The following KLHL1 variants were observed in gnomAD, a reference collection of about 807,000 sequenced individuals.
The protein encoded by KLHL1 is kelch-like protein 1.
Under a neutral mutation model 77.7 loss-of-function variants are expected in KLHL1, and 47 were observed. The observed-to-expected ratio is 0.60, with a 90% CI of 0.48 to 0.77. KLHL1 has a LOEUF of 0.77. Among genes scored for constraint, KLHL1 ranks in the 30% least tolerant of loss-of-function variants. The pLI, the probability that KLHL1 is intolerant of heterozygous loss-of-function variation, is 0.00. For synonymous variants in KLHL1, 360 were observed against 325.2 expected (o/e 1.11, Z -1.15); for missense variants, 925 against 910.8 (o/e 1.02, Z -0.20).
intron 4 of KLHL1, among the ~76,000 whole-genome samples, chr13:69,936,211 G>T (rs1883184507): frequency 6.6e-6 from 1 of 152,146 alleles, no homozygotes; most frequent in Non-Finnish European, 1.5e-5. Flanking sequence ...CACATATTTA[G>T]CAGGAATGAG....
At position 69,785,683 on chromosome 13, in the gene KLHL1, C is replaced by A. The variant is rs183817837; in HGVS notation, c.1639+11055G>T. Among the ~76,000 whole-genome samples, 429 of 150,762 alleles carry A rather than the reference C, an allele frequency of 2.8e-3. 3 individuals are homozygous for A. The highest frequency in any genetic ancestry group is 0.01 in the African/African-American group (411 of 40,548). ...AGAGCAGAACTGAAGGAAATAGAGA[C>A]ACAAAAAACCCTTCAAAAAATTAAT... On this transcript the variant is annotated intron_variant, in intron 7 of 10. Transcript: ENST00000377844.
chr13:69,797,257 G>A (rs975408018), intron 6 of KLHL1, among the ~76,000 whole-genome samples: 3 of 152,044 alleles, frequency 2.0e-5, no homozygotes, highest in Admixed American at 2.0e-4. Context: ...TTCTGTCAGT[G>A]GATTTTACAA....
chr13:69,789,294 A>G (rs1336031570), intron 7 of KLHL1, among the ~76,000 whole-genome samples: 2 of 151,600 alleles, frequency 1.3e-5, no homozygotes, highest in South Asian at 2.1e-4. Context: ...TTTATTTTGT[A>G]TGGGTAACTT....
At chr13:70,090,938 A>C (rs1252497625) in intron 1 of KLHL1, among the ~76,000 whole-genome samples, 1 of 152,134 alleles carries the variant, frequency 6.6e-6, no homozygotes, top group East Asian at 1.9e-4. Flanking sequence ...GTGTAATCAC[A>C]GTCCTCTCCT....
intron 7 of KLHL1, among the ~76,000 whole-genome samples, chr13:69,789,632 A>G (rs190796424): frequency 1.3e-3 from 200 of 152,122 alleles, no homozygotes; most frequent in African/African-American, 4.5e-3. Context: ...TTTTTCCTCT[A>G]CTGTCCTACT....
chr13:70,030,903 A>G (rs1813718303), intron 1 of KLHL1, among the ~76,000 whole-genome samples: 1 of 152,230 alleles, frequency 6.6e-6, no homozygotes, highest in Non-Finnish European at 1.5e-5. Context: ...AAAAAATGAT[A>G]AAGGGGATAT....
Position 69,829,471 on chromosome 13 carries a change from A to G in KLHL1, c.1414+9505T>C, listed in dbSNP as rs888079123. 1.3e-5 allele frequency among the ~76,000 whole-genome samples: 2 copies of G among 150,146 alleles called. 1 individual carries two copies. The highest frequency in any genetic ancestry group is 3.0e-5 in the Non-Finnish European group (2 of 67,776). ...TTAAGCCCCAGATCTTTCCTCTGAC[A>G]TAGTCTATCCAAATAAGAAGGAACC... On this transcript the variant is annotated intron_variant, in intron 6 of 10. Coordinates refer to ENST00000377844, the MANE Select transcript of KLHL1 (RefSeq NM_020866.3).
At chr13:70,081,314 T>C (rs973929061) in intron 1 of KLHL1, among the ~76,000 whole-genome samples, 3 of 152,238 alleles carry the variant, frequency 2.0e-5, no homozygotes, top group African/African-American at 7.2e-5. Flanking sequence ...CGGGTTTTTT[T>C]AAGCCAGAAG....
At position 69,837,614 on chromosome 13, in the gene KLHL1, C is replaced by CTCTATA. The variant is rs570243891; in HGVS notation, c.1414+1361_1414+1362insTATAGA. ...TATATATACACATACATCTCTCTCTCTATATATATGTGTGTGTATATATAT... is the reference window on the plus strand; with the variant it reads ...TATATATACACATACATCTCTCTCTCTCTATATATATATATGTGTGTGTATATATAT... On this transcript the variant is annotated intron_variant, in intron 6 of 10. Coordinates refer to ENST00000377844, the MANE Select transcript of KLHL1 (RefSeq NM_020866.3). Among the ~76,000 whole-genome samples, 324 of 136,502 alleles carry CTCTATA rather than the reference C, an allele frequency of 2.4e-3. 5 individuals carry two copies. Among genetic ancestry groups the CTCTATA allele is most frequent in the African/African-American group, 9.0e-3 (297 of 32,918 alleles). The allele number at this position is 136,502 out of a possible 152,430, so 89.6% of individuals were successfully genotyped here.
At chr13:69,970,065 T>G (rs1256992231) in intron 2 of KLHL1, among the ~76,000 whole-genome samples, 1 of 152,186 alleles carries the variant, frequency 6.6e-6, no homozygotes, top group Admixed American at 6.6e-5. Flanking sequence ...TCATTGACTT[T>G]TCTTCCTGGG....
chr13:69,936,495 A>G (rs12865877), intron 4 of KLHL1, among the ~76,000 whole-genome samples: 1 of 150,988 alleles, frequency 6.6e-6, no homozygotes, highest in Non-Finnish European at 1.5e-5. Flanking sequence ...AGTCTGGGAC[A>G]GGAGAATTGC....
intron 7 of KLHL1, among the ~76,000 whole-genome samples, chr13:69,766,794 G>C (rs1480470379): frequency 6.6e-6 from 1 of 152,042 alleles, no homozygotes; most frequent in African/African-American, 2.4e-5. Flanking sequence ...GGTTATTGTA[G>C]AAAAGATAAA....
At chr13:70,060,462 C>T (rs1886852425) in intron 1 of KLHL1, among the ~76,000 whole-genome samples, 1 of 152,016 alleles carries the variant, frequency 6.6e-6, no homozygotes, top group Non-Finnish European at 1.5e-5. Flanking sequence ...CACACCTGCC[C>T]TCCCATGTTT....
chr13:69,879,734 A>G (rs1056326477), intron 5 of KLHL1, among the ~76,000 whole-genome samples: 1 of 152,142 alleles, frequency 6.6e-6, no homozygotes, highest in Non-Finnish European at 1.5e-5. Flanking sequence ...CCAACCCTAA[A>G]TAAAAAATTG....
chr13:70,104,054 A>G (rs1887989128), intron 1 of KLHL1, among the ~76,000 whole-genome samples: 1 of 152,218 alleles, frequency 6.6e-6, no homozygotes, highest in African/African-American at 2.4e-5. Flanking sequence ...TCACATCACT[A>G]TAAAATGCAA....
chr13:69,721,946 A>C (rs1360322422), intron 8 of KLHL1, among the ~76,000 whole-genome samples: 1 of 152,108 alleles, frequency 6.6e-6, no homozygotes, highest in African/African-American at 2.4e-5. Flanking sequence ...ACAAGTTTTT[A>C]ATCATTCTAA....
chr13:69,840,656 C>A (rs1321249792), intron 5 of KLHL1, among the ~76,000 whole-genome samples: 1 of 151,128 alleles, frequency 6.6e-6, no homozygotes, highest in Non-Finnish European at 1.5e-5. Context: ...AGCTGCCTTT[C>A]TACGCACTTT....
At chr13:69,912,740 TG>T (rs1018597217) in intron 4 of KLHL1, among the ~76,000 whole-genome samples, 1 of 152,132 alleles carries the variant, frequency 6.6e-6, no homozygotes, top group Admixed American at 6.5e-5. Flanking sequence ...TCAACTCTGC[TG>T]GGATTTTCTG....
chr13:69,777,106 C>T (rs1875870035), intron 7 of KLHL1, among the ~76,000 whole-genome samples: 1 of 152,060 alleles, frequency 6.6e-6, no homozygotes, highest in Admixed American at 6.6e-5. Flanking sequence ...CACACGAGAT[C>T]TGACGGTATT....
Sources: gnomAD v4.1 joint callset for allele counts (sites outside exome capture counted in the v4.1 genomes callset) on GRCh38, gnomAD v4.1.1 for gene constraint, MANE v1.5 for transcripts, NCBI Gene and HGNC (gene_info 2026-07-23, HGNC 2026-07-21) for gene names.